UBA2: variants seen among roughly 807,000 people sequenced by gnomAD.
UBA2 encodes SUMO-activating enzyme subunit 2.
A neutral mutation model predicts 77.2 loss-of-function variants in UBA2; 11 were observed. The ratio of observed to expected loss-of-function variants is 0.14; its 90% CI spans 0.09 to 0.24. UBA2 has a LOEUF of 0.24. Ranked by LOEUF, UBA2 falls within the 10% of genes least tolerant of loss-of-function variation. UBA2 has a pLI of 1.00. For missense variants in UBA2, 487 were observed against 781.7 expected, an observed-to-expected ratio of 0.62 and a Z score of 4.50; for synonymous variants, 278 against 276.7, an observed-to-expected ratio of 1.00 and a Z score of -0.05.
intron 9 of UBA2, among the ~76,000 whole-genome samples, chr19:34,450,565 C>T (rs1391243330): frequency 2.0e-5 from 3 of 151,778 alleles, no homozygotes; most frequent in African/African-American, 4.8e-5. Flanking sequence ...TCTGGTGGTC[C>T]GCCCTATGTA....
chr19:34,461,802 C>T lies in UBA2; in HGVS notation c.1498+1236C>T, dbSNP rs57975900. 3.6e-3 allele frequency among the ~76,000 whole-genome samples: 545 copies of T among 151,754 alleles called. 3 individuals are homozygous for T. Among genetic ancestry groups the T allele is most frequent in the African/African-American group, 0.012 (515 of 41,494 alleles). ...GATTGTCAACAGCTGGATTGAGCAT[C>T]GTCCAAGGAAAACTAGAAAGAGTGT... On this transcript the variant is annotated intron_variant, in intron 14 of 16. Transcript: ENST00000246548.
At chr19:34,468,323 C>A (rs1257503834) in intron 16 of UBA2, among the ~76,000 whole-genome samples, 2 of 152,070 alleles carry the variant, frequency 1.3e-5, no homozygotes, top group African/African-American at 4.8e-5. Context: ...TTTTTTCCCC[C>A]CTCACTGAAA....
At chr19:34,461,844 T>C (rs2075634607) in intron 14 of UBA2, among the ~76,000 whole-genome samples, 1 of 152,042 alleles carries the variant, frequency 6.6e-6, no homozygotes, top group African/African-American at 2.4e-5. Context: ...AGTATGAATC[T>C]AAGGAAAGTA....
intron 12 of UBA2, among the ~76,000 whole-genome samples, chr19:34,455,349 G>C (rs2145548119): frequency 6.6e-6 from 1 of 152,242 alleles, no homozygotes; most frequent in South Asian, 2.1e-4. Context: ...CTTTGTGTAA[G>C]GGTCTCCTGT....
At chr19:34,432,498 G>T (rs1435862742) in intron 3 of UBA2, among the ~76,000 whole-genome samples, 3 of 152,110 alleles carry the variant, frequency 2.0e-5, no homozygotes, top group Non-Finnish European at 4.4e-5. Flanking sequence ...AATAGTCCTT[G>T]TTTGAGGTAC....
At chr19:34,437,091 T>C (rs1450847807) in intron 5 of UBA2, among the ~76,000 whole-genome samples, 1 of 151,994 alleles carries the variant, frequency 6.6e-6, no homozygotes, top group Non-Finnish European at 1.5e-5. Flanking sequence ...TAAAACAGTA[T>C]TTGAGAGTTT....
intron 13 of UBA2, 46 bp downstream of exon 13, chr19:34,458,970 T>A: frequency 1.9e-6 from 3 of 1,549,826 alleles, no homozygotes; most frequent in Non-Finnish European, 2.6e-6. Flanking sequence ...TTTACAGTAT[T>A]ACTGTGATGA....
chr19:34,457,362 G>C (rs1284381277), intron 12 of UBA2, among the ~76,000 whole-genome samples: 1 of 151,156 alleles, frequency 6.6e-6, no homozygotes, highest in African/African-American at 2.4e-5. Flanking sequence ...GCGAAACTCT[G>C]CCTCAAGAAA....
At chr19:34,430,492 T>A in intron 1 of UBA2, 84 bp from the exon 2 acceptor site, 1 of 971,430 alleles carries the variant, frequency 1.0e-6, no homozygotes, top group Non-Finnish European at 1.5e-6. Flanking sequence ...TATCAAAAGT[T>A]CTGGATTACA....
In UBA2 at chr19:34,458,882, G is replaced by T; in HGVS notation, c.1359G>T (p.Arg453=). Residue 453 remains arginine, a synonymous_variant, in exon 13 of 17, where the codon CGG becomes CGT. Transcript: ENST00000246548. ...CCAGCAAGCCAGAGGTGACTGTGCG[G>T]CTGAATGTCCATAAAGTGACTGTTC... ...VCASKPEVTV[R]LNVHKVTVLT... The T allele has an allele frequency of 1.2e-6, 2 of 1,614,054 alleles. No homozygotes were observed. Among genetic ancestry groups the T allele is most frequent in the South Asian group, 2.2e-5 (2 of 91,060 alleles).
chr19:34,456,100 CTTTTTCTTTTTTTTTTT>C, intron 12 of UBA2, among the ~76,000 whole-genome samples: 1 of 55,800 alleles, frequency 1.8e-5, no homozygotes, highest in Non-Finnish European at 3.2e-5. Context: ...TTTTCCTTTT[CTTTTTCTTTTTTTTTTT>C]TTTTTTTGAG....
chr19:34,437,811 T>C (rs143595423), intron 5 of UBA2, among the ~76,000 whole-genome samples: 6,094 of 152,226 alleles, frequency 0.04, 181 homozygotes, highest in Admixed American at 0.11. Context: ...CCCAGCACTT[T>C]TGGGAAGCCA....
intron 9 of UBA2, among the ~76,000 whole-genome samples, chr19:34,451,343 C>A (rs990445337): frequency 3.9e-5 from 6 of 151,960 alleles, no homozygotes; most frequent in Non-Finnish European, 7.4e-5. Context: ...TGGAGCAGTT[C>A]TCAACAATCA....
chr19:34,433,045 T>TCC (rs758773280), intron 3 of UBA2, among the ~76,000 whole-genome samples: 94 of 152,178 alleles, frequency 6.2e-4, no homozygotes, highest in Non-Finnish European at 1.1e-3. Flanking sequence ...CTTTATGCGT[T>TCC]CCCAGGCACT....
intron 10 of UBA2, 136 bp from the exon 11 acceptor site, chr19:34,454,124 G>A (rs1036318515): frequency 2.6e-6 from 2 of 773,042 alleles, no homozygotes; most frequent in Admixed American, 2.8e-5. Flanking sequence ...TAGCTGACTG[G>A]TCTTTCCCTC....
chr19:34,452,847 C>G (rs1316247966), intron 10 of UBA2, among the ~76,000 whole-genome samples: 1 of 152,202 alleles, frequency 6.6e-6, no homozygotes, highest in African/African-American at 2.4e-5. Flanking sequence ...TTGGTTGAAT[C>G]AGACATCTAA....
At chr19:34,465,593 G>A (rs1019202521) in intron 15 of UBA2, among the ~76,000 whole-genome samples, 2 of 147,436 alleles carry the variant, frequency 1.4e-5, no homozygotes, top group African/African-American at 5.0e-5. Context: ...CCGAGATTGC[G>A]CCATTGCACT....
At chr19:34,432,601 A>G (rs2075267866) in intron 3 of UBA2, among the ~76,000 whole-genome samples, 1 of 152,032 alleles carries the variant, frequency 6.6e-6, no homozygotes, top group Non-Finnish European at 1.5e-5. Flanking sequence ...CTTATTGCCC[A>G]GGCTGGAGTA....
intron 8 of UBA2, among the ~76,000 whole-genome samples, chr19:34,449,551 A>G (rs2075469991): frequency 6.6e-6 from 1 of 152,270 alleles, no homozygotes; most frequent in Non-Finnish European, 1.5e-5. Flanking sequence ...GGTACCAGCA[A>G]TAAATGTGTT....
Sources: allele counts gnomAD v4.1 joint callset (sites outside exome capture counted in the v4.1 genomes callset), GRCh38; gene constraint gnomAD v4.1.1; transcripts MANE v1.5; gene names NCBI Gene and HGNC (gene_info 2026-07-23, HGNC 2026-07-21).